The following AGBL1 variants were observed in gnomAD, a reference collection of about 807,000 sequenced individuals.
AGBL1 encodes the protein AGBL carboxypeptidase 1.
In AGBL1, 130 loss-of-function variants were observed where a neutral mutation model predicts 118.9. The observed-to-expected ratio is 1.09, with a 90% CI of 0.95 to 1.26. The LOEUF is 1.26. Ranked by LOEUF, AGBL1 falls within the 50% of genes most tolerant of loss-of-function variation. AGBL1 has a pLI of 0.00. For missense variants in AGBL1, 1,584 were observed against 1,298.1 expected, an observed-to-expected ratio of 1.22 and a Z score of -3.38; for synonymous variants, 555 against 478.9, an observed-to-expected ratio of 1.16 and a Z score of -2.08.
chr15:86,718,168 C>G (rs942925510), intron 22 of AGBL1, among the ~76,000 whole-genome samples: 1 of 152,164 alleles, frequency 6.6e-6, no homozygotes, highest in Non-Finnish European at 1.5e-5. Flanking sequence ...GCCAGAGACC[C>G]TACCACTGAA....
chr15:86,988,172 T>A, intron 24 of AGBL1: 2 of 1,513,050 alleles, frequency 1.3e-6, no homozygotes, highest in Non-Finnish European at 1.8e-6. Flanking sequence ...ACATTGGGAC[T>A]GGACAAAGAG....
intron 24 of AGBL1, among the ~76,000 whole-genome samples, chr15:86,990,834 T>C (rs906943654): frequency 2.6e-5 from 4 of 152,092 alleles, no homozygotes; most frequent in African/African-American, 4.8e-5. Context: ...GGAGAGTCCT[T>C]GGCATATGGA....
intron 18 of AGBL1, among the ~76,000 whole-genome samples, chr15:86,508,802 T>C (rs1269432417): frequency 6.6e-6 from 1 of 152,120 alleles, no homozygotes; most frequent in Non-Finnish European, 1.5e-5. Context: ...TCTAAATCTG[T>C]AGTTAAGCGA....
chr15:86,079,867 G>T, upstream of AGBL1: 1 of 790,402 alleles, frequency 1.3e-6, no homozygotes, highest in South Asian at 6.3e-5. Context: ...TGAGGCCTCC[G>T]GGCAGTCGTC....
At chr15:86,342,482 T>A (rs535441438) in intron 17 of AGBL1, among the ~76,000 whole-genome samples, 47 of 150,326 alleles carry the variant, frequency 3.1e-4, no homozygotes, top group African/African-American at 1.1e-3. Context: ...GATTAAATAT[T>A]TTTTTTATTA....
rs529068278 is a variant in AGBL1 at position 86,313,063 on chromosome 15, CATAG to C, written c.2374+17657_2374+17660del. Among the ~76,000 whole-genome samples, 580 of 152,264 alleles carry C rather than the reference CATAG, an allele frequency of 3.8e-3. 1 individual carries two copies. Among genetic ancestry groups the C allele is most frequent in the African/African-American group, 0.013 (529 of 41,540 alleles). The stretch of plus-strand genomic sequence containing the variant: ...CTTCTGGAAGGTGCTGTTGGAAACC[CATAG>C]AGTCAAATGGGTATGCTTCTCTGGT... On this transcript the variant is annotated intron_variant, in intron 17 of 22. Coordinates refer to ENST00000614907, the MANE Select transcript of AGBL1 (RefSeq NM_001386094.1).
At chr15:86,504,868 T>A (rs1005981704) in intron 18 of AGBL1, among the ~76,000 whole-genome samples, 1 of 151,828 alleles carries the variant, frequency 6.6e-6, no homozygotes, top group African/African-American at 2.4e-5. Context: ...AGTGATTTTT[T>A]AAATGTGGAT....
chr15:86,303,515 G>A (rs1045181628), intron 17 of AGBL1, among the ~76,000 whole-genome samples: 1 of 152,116 alleles, frequency 6.6e-6, no homozygotes, highest in African/African-American at 2.4e-5. Context: ...GAGTAAGACT[G>A]TTGTCGGGGG....
chr15:86,576,076 A>T (rs1273621800), intron 21 of AGBL1, among the ~76,000 whole-genome samples: 1 of 152,242 alleles, frequency 6.6e-6, no homozygotes, highest in African/African-American at 2.4e-5. Flanking sequence ...AAGGAAGAAG[A>T]TAATTAATAT....
intron 22 of AGBL1, among the ~76,000 whole-genome samples, chr15:86,760,100 C>T (rs28565518): frequency 0.26 from 39,486 of 151,912 alleles, 6,667 homozygotes; most frequent in African/African-American, 0.47. Context: ...TGATCAACTA[C>T]CTCTTTAGTG....
intron 24 of AGBL1, among the ~76,000 whole-genome samples, chr15:87,008,483 C>T (rs917748612): frequency 7.2e-5 from 11 of 152,146 alleles, no homozygotes; most frequent in African/African-American, 2.7e-4. Context: ...TTTTTCTTTC[C>T]AGTCTCAGGG....
At chr15:86,137,619 G>C (rs1358763773) in intron 1 of AGBL1, among the ~76,000 whole-genome samples, 1 of 151,882 alleles carries the variant, frequency 6.6e-6, no homozygotes, top group Non-Finnish European at 1.5e-5. Flanking sequence ...TTAACTTCTG[G>C]AGAAAAATTT....
intron 21 of AGBL1, among the ~76,000 whole-genome samples, chr15:86,616,340 A>AG (rs2084722679): frequency 9.9e-5 from 1 of 10,088 alleles, no homozygotes; most frequent in Non-Finnish European, 2.8e-4. Flanking sequence ...CCTCCACTTC[A>AG]AAAAAAAAAA....
chr15:86,428,709 G>C (rs907574404), intron 18 of AGBL1, among the ~76,000 whole-genome samples: 3 of 152,144 alleles, frequency 2.0e-5, no homozygotes, highest in African/African-American at 7.2e-5. Flanking sequence ...ATCAATAATA[G>C]AGTTCGCAGA....
At chr15:86,627,790 CA>C (rs2084909304) in intron 21 of AGBL1, among the ~76,000 whole-genome samples, 1 of 152,098 alleles carries the variant, frequency 6.6e-6, no homozygotes, top group Non-Finnish European at 1.5e-5. Context: ...GCAGGGACCT[CA>C]GGGGTTGAGA....
At chr15:86,674,618 T>G (rs2085805492) in intron 22 of AGBL1, among the ~76,000 whole-genome samples, 182 bp downstream of exon 22, 1 of 152,324 alleles carries the variant, frequency 6.6e-6, no homozygotes, top group East Asian at 1.9e-4. Flanking sequence ...GCTGCCTGTT[T>G]GTACACATAT....
chr15:86,671,713 G>A (rs1461503125), intron 21 of AGBL1, among the ~76,000 whole-genome samples: 1 of 152,118 alleles, frequency 6.6e-6, no homozygotes, highest in Non-Finnish European at 1.5e-5. Flanking sequence ...AAGATTTAAA[G>A]GCACTCACAT....
At chr15:86,425,958 T>C (rs1484211709) in intron 18 of AGBL1, among the ~76,000 whole-genome samples, 1 of 82,086 alleles carries the variant, frequency 1.2e-5, no homozygotes, top group African/African-American at 1.2e-4. Flanking sequence ...GATAGAGACA[T>C]AAAAATAACA....
At chr15:86,676,325 C>T (rs1309144247) in intron 22 of AGBL1, among the ~76,000 whole-genome samples, 2 of 152,060 alleles carry the variant, frequency 1.3e-5, no homozygotes, top group East Asian at 1.9e-4. Context: ...GTTGACCACA[C>T]GGATTGCGAT....
Sources: allele counts gnomAD v4.1 joint callset (sites outside exome capture counted in the v4.1 genomes callset), GRCh38; gene constraint gnomAD v4.1.1; transcripts MANE v1.5; gene names NCBI Gene and HGNC (gene_info 2026-07-23, HGNC 2026-07-21).